OTOF: variants seen among roughly 807,000 people sequenced by gnomAD.
The protein encoded by OTOF is otoferlin.
OTOF carries 218 observed loss-of-function variants against 236.8 expected under a neutral mutation model. The ratio of observed to expected loss-of-function variants is 0.92; its 90% CI spans 0.82 to 1.03. The LOEUF is 1.03. Ranked by LOEUF, OTOF falls within the 50% of genes least tolerant of loss-of-function variation. The pLI is 0.00. For missense variants in OTOF, 2,590 were observed against 2,694.4 expected, an observed-to-expected ratio of 0.96 and a Z score of 0.86; for synonymous variants, 1,041 against 1,072.5, an observed-to-expected ratio of 0.97 and a Z score of 0.57.
intron 1 of OTOF, among the ~76,000 whole-genome samples, chr2:26,543,192 T>C (rs1667248378): frequency 6.6e-6 from 1 of 152,138 alleles, no homozygotes; most frequent in Admixed American, 6.5e-5. Context: ...ATCGATCTGT[T>C]CCTTTTGAAG....
chr2:26,465,535 G>T, intron 38 of OTOF, 137 bp downstream of exon 38: 1 of 867,092 alleles, frequency 1.2e-6, no homozygotes, highest in Non-Finnish European at 1.8e-6. Context: ...TGTGCCCAGG[G>T]ACTGTAGGGG....
intron 1 of OTOF, among the ~76,000 whole-genome samples, chr2:26,557,671 G>A (rs1301773727): frequency 6.6e-6 from 1 of 151,902 alleles, no homozygotes. Context: ...GCTCCCACCC[G>A]CTGGTCCTTC....
At chr2:26,467,917 G>A (rs1481998385) in intron 33 of OTOF, among the ~76,000 whole-genome samples, 1 of 152,184 alleles carries the variant, frequency 6.6e-6, no homozygotes, top group East Asian at 1.9e-4. Context: ...TAGAAGAAAG[G>A]GTACTGTGAT....
chr2:26,464,818 T>C (rs1273184672), intron 39 of OTOF, 51 bp downstream of exon 39: 1 of 1,562,452 alleles, frequency 6.4e-7, no homozygotes. Context: ...CCTCCTGGCC[T>C]CTGAAACCCC....
rs896148523 is a variant in OTOF, at chr2:26,460,675, T to G, written c.5785A>C (p.Asn1929His). 4 of 1,614,060 alleles carry G rather than the reference T, an allele frequency of 2.5e-6. No individual in the cohort carries two copies. Among genetic ancestry groups the G allele is most frequent in the Admixed American group, 3.3e-5 (2 of 60,018 alleles). ...AEKNPVGLAR[N>H]EPDPLEKPNR... The stretch of plus-strand genomic sequence containing the variant: ...GGTTTCTCTAGGGGGTCAGGTTCAT[T>G]GCGGGCCAGGCCCACTGGGTTCTTC... The change falls in exon 45 of 47, where the codon AAT becomes CAT. Residue 1929 changes from asparagine (N) to histidine (H), a missense_variant. By Grantham distance (68) the Asn-to-His change is moderately conservative. Around this residue, in one of 2 missense-constraint regions of OTOF, gnomAD observed 1,211 missense variants for 1,352.8 expected, o/e 0.90. Transcript: ENST00000272371. The surrounding 1 kb of genome is among the most constrained non-coding windows in gnomAD (Gnocchi z 5.3).
Position 26,529,496 on chromosome 2 carries a change from C to T in OTOF, c.139-1576G>A, listed in dbSNP as rs1050828150. On this transcript the variant is annotated intron_variant, in intron 2 of 46. Transcript: ENST00000272371. ...TTCTGTGCTCTATAAACAAGGAACT[C>T]GGCCTCAGAGCAGATGCATGACTTG... is the stretch of plus-strand genomic sequence containing the variant. Among the ~76,000 whole-genome samples the T allele has an allele frequency of 1.2e-3, 188 of 152,232 alleles. 1 individual carries two copies. The highest frequency in any genetic ancestry group is 3.9e-4 in the East Asian group (2 of 5,170).
rs1046222920 is a variant in OTOF, at chr2:26,484,435, C to T, written c.1205+39G>A. ...GGGGGCTCCCTGGGGGAAGGAAGGG[C>T]TGGCTCAGACTCCAGGGGCTGGGGT... On this transcript the variant is annotated intron_variant, in intron 12 of 46. Transcript: ENST00000272371. 3.7e-6 allele frequency: 6 copies of T among 1,612,160 alleles called. No individual in the cohort carries two copies. In the Admixed American group the frequency reaches 5.0e-5, roughly 13 times the overall value.
rs192707635 is a variant in OTOF at position 26,462,897 on chromosome 2, C to T, written c.5192+586G>A. On this transcript the variant is annotated intron_variant, in intron 41 of 46. Transcript: ENST00000272371. This position sits in a 1 kb window ranked among gnomAD's most constrained non-coding sequence, Gnocchi z 4.7. The stretch of plus-strand genomic sequence containing the variant: ...GGCCCTGAATCCAGTCACTGTCTGA[C>T]AGCTGGACTTGAACCTGCCGCTTTA... Among the ~76,000 whole-genome samples, 20 of 152,364 alleles carry T rather than the reference C, an allele frequency of 1.3e-4. No homozygotes were observed. The highest frequency in any genetic ancestry group is 9.1e-4 in the Admixed American group (14 of 15,310).
chr2:26,507,240 T>G lies in OTOF; in HGVS notation c.510-3395A>C, dbSNP rs566641977. Among the ~76,000 whole-genome samples, 10 of 152,354 alleles carry G rather than the reference T, an allele frequency of 6.6e-5. No homozygotes were observed. The South Asian group carries it at 2.1e-3, about 32-fold the overall frequency. On this transcript the variant is annotated intron_variant, in intron 5 of 46. Transcript: ENST00000272371. ...CTTACTACAGGCTCTGTACCTCTGA[T>G]TCTCCTAGACTTGCTCTTCAATGAA...
intron 1 of OTOF, among the ~76,000 whole-genome samples, chr2:26,555,138 G>C (rs1207836048): frequency 6.6e-6 from 1 of 152,204 alleles, no homozygotes; most frequent in Admixed American, 6.5e-5. Flanking sequence ...AGTTGATAAA[G>C]GAAATACCTG....
chr2:26,473,489 C>A lies in OTOF; in HGVS notation c.3487G>T (p.Ala1163Ser), dbSNP rs1390450802. The change falls in exon 28 of 47, where the codon GCA becomes TCA. Residue 1163 changes from alanine to serine, a missense_variant. Around this residue, in one of 2 missense-constraint regions of OTOF, gnomAD observed 1,211 missense variants for 1,352.8 expected, o/e 0.90. Transcript: ENST00000272371. The surrounding 1 kb of genome is among the most constrained non-coding windows in gnomAD (Gnocchi z 7.2). ...AGGGACGACTGCACCCCCTTCCCTG[C>A]ACACTCGATGTCCACCCGTGGCCGG... The part of the protein sequence containing the change: ...VDRPRVDIEC[A>S]GKGVQSSLIH... 3.1e-6 allele frequency: 5 copies of A among 1,613,182 alleles called. No homozygotes were observed. In the East Asian group the frequency reaches 6.7e-5, roughly 22 times the overall value.
In OTOF at chr2:26,458,070, G is replaced by C; in HGVS notation, c.*168C>G. ...CCCCAAGGAGCTTTTTGACCATGTA[G>C]CCAGGGAGGCTGTAGAGGAAGAGCC... is the stretch of plus-strand genomic sequence containing the variant. On this transcript the variant is annotated 3_prime_UTR_variant, in exon 47 of 47. Coordinates refer to ENST00000272371, the MANE Select transcript of OTOF (RefSeq NM_194248.3). 1 of 1,614,108 alleles carries C rather than the reference G, an allele frequency of 6.2e-7. No homozygotes were observed. Among genetic ancestry groups the C allele is most frequent in the South Asian group, 1.1e-5 (1 of 91,086 alleles).
At chr2:26,463,905 G>A (rs542027681) in intron 40 of OTOF, 59 bp downstream of exon 40, 7 of 1,601,048 alleles carry the variant, frequency 4.4e-6, no homozygotes, top group Non-Finnish European at 6.0e-6. Context: ...ACTGACTCAG[G>A]TTGGGGATCC....
intron 5 of OTOF, chr2:26,510,796 G>T (rs542692631): frequency 9.5e-5 from 117 of 1,227,350 alleles, no homozygotes; most frequent in Middle Eastern, 2.2e-4. Context: ...CGTGTGAGGG[G>T]CTGTGGACCA....
At position 26,457,948 on chromosome 2, in the gene OTOF, C is replaced by T. The variant is rs1664264349; in HGVS notation, c.*290G>A. On this transcript the variant is annotated 3_prime_UTR_variant, in exon 47 of 47. Coordinates refer to ENST00000272371, the MANE Select transcript of OTOF (RefSeq NM_194248.3). The surrounding 1 kb of genome is among the most constrained non-coding windows in gnomAD (Gnocchi z 4.4). ...AGGCATGAAGAGTGGACGCTGGGCTCCTCAGGCTCCCCAGGGGAGATGGGA... is the reference window on the plus strand; with the variant it reads ...AGGCATGAAGAGTGGACGCTGGGCTTCTCAGGCTCCCCAGGGGAGATGGGA... 10 of 1,328,642 alleles carry T rather than the reference C, an allele frequency of 7.5e-6. No homozygotes were observed. The South Asian group carries it at 1.1e-4, about 14-fold the overall frequency. 82.3% of individuals were successfully genotyped at this position (1,328,642 alleles called of 1,614,324 possible).
At chr2:26,475,299 C>G in intron 25 of OTOF, 60 bp downstream of exon 25, 1 of 1,594,464 alleles carries the variant, frequency 6.3e-7, no homozygotes, top group Non-Finnish European at 8.6e-7. Flanking sequence ...AGGTGGAGTG[C>G]AGGGAACAAG....
rs896052778 is a variant in OTOF, at chr2:26,467,616, G to C, written c.4091-115C>G. The C allele has an allele frequency of 9.2e-6, 12 of 1,299,602 alleles. No homozygotes were observed. The East Asian group carries it at 3.0e-4, about 33-fold the overall frequency. The allele number at this position is 1,299,602 out of a possible 1,614,324, so 80.5% of individuals were successfully genotyped here. ...ACTAACTTAACTCTCGGATGTCCAT[G>C]TGCTGTCAAATGCAGATAATACTCC... On this transcript the variant is annotated intron_variant, in intron 33 of 46. Coordinates refer to ENST00000272371, the MANE Select transcript of OTOF (RefSeq NM_194248.3).
chr2:26,533,582 G>A (rs546864168), intron 2 of OTOF, among the ~76,000 whole-genome samples: 2 of 152,254 alleles, frequency 1.3e-5, no homozygotes, highest in African/African-American at 2.4e-5. Flanking sequence ...CAAGACAAGA[G>A]GGTTAAACTA....
chr2:26,518,819 T>A (rs1246101741), intron 4 of OTOF, among the ~76,000 whole-genome samples, 191 bp downstream of exon 4: 1 of 152,226 alleles, frequency 6.6e-6, no homozygotes, highest in Non-Finnish European at 1.5e-5. Context: ...GACCCTGCCA[T>A]GCCACAGGGC....
Sources: allele counts gnomAD v4.1 joint callset (sites outside exome capture counted in the v4.1 genomes callset), GRCh38; gene constraint gnomAD v4.1.1; regional missense constraint gnomAD v4.1.1; non-coding constraint Gnocchi (gnomAD v3.1); transcripts MANE v1.5; gene names NCBI Gene and HGNC (gene_info 2026-07-23, HGNC 2026-07-21).